MEPE: variants seen among roughly 807,000 people sequenced by gnomAD.
The protein encoded by MEPE is matrix, extracellular phosphoglycoprotein with ASARM motif (bone).
Under a neutral mutation model 7.3 loss-of-function variants are expected in MEPE, and 7 were observed. The observed-to-expected ratio is 0.95, with a 90% confidence interval of 0.54 to 1.79. The LOEUF (loss-of-function observed/expected upper bound fraction) is 1.79, where lower values mean the gene tolerates loss of function less well. MEPE is among the 40% of genes most tolerant of loss of function. The pLI is 0.00. For missense variants in MEPE, 623 were observed against 628.2 expected, an observed-to-expected ratio of 0.99 and a Z score of 0.09; for synonymous variants, 214 against 213.1, an observed-to-expected ratio of 1.00 and a Z score of -0.04.
At chr4:87,829,745 T>A (rs1464396955), upstream of MEPE, among the ~76,000 whole-genome samples, 1 of 152,152 alleles carries the variant, frequency 6.6e-6, no homozygotes, top group Non-Finnish European at 1.5e-5. Flanking sequence ...TTCACTTGTC[T>A]TCCATTTAGA....
chr4:87,824,299 G>A (rs1198615523), intron 1 of MEPE, among the ~76,000 whole-genome samples: 1 of 152,188 alleles, frequency 6.6e-6, no homozygotes, highest in Non-Finnish European at 1.5e-5. Context: ...TGGCTAAGTG[G>A]TGAGACATAC....
intron 3 of MEPE, 76 bp downstream of exon 3, chr4:87,838,761 T>C: frequency 7.4e-7 from 1 of 1,344,486 alleles, no homozygotes. Flanking sequence ...AAAGTGTAAC[T>C]GTCAAAATAG....
At chr4:87,823,772 T>C (rs376765073) in intron 1 of MEPE, among the ~76,000 whole-genome samples, 1 of 152,046 alleles carries the variant, frequency 6.6e-6, no homozygotes, top group Non-Finnish European at 1.5e-5. Flanking sequence ...CCTTTTCTTT[T>C]GAAAAGGAAA....
At position 87,845,774 on chromosome 4, in the gene MEPE, T is replaced by C. The variant is rs1257580410; in HGVS notation, c.906T>C (p.Gly302=). ...ESTHLDTKKP[G]YNEIPEREEN... Reference sequence around the variant, plus strand: ...CTCATCTTGACACAAAAAAGCCAGGTTATAATGAGATCCCAGAGAGAGAAG... The same window carrying C: ...CTCATCTTGACACAAAAAAGCCAGGCTATAATGAGATCCCAGAGAGAGAAG... Residue 302 remains glycine, a synonymous_variant, in exon 4 of 4, where the codon GGT becomes GGC. Transcript: ENST00000361056. 1.2e-6 allele frequency: 2 copies of C among 1,613,778 alleles called. No individual in the cohort carries two copies. The highest frequency in any genetic ancestry group is 1.7e-4 in the Middle Eastern group (1 of 6,058).
chr4:87,825,694 CT>C (rs1000326586), intron 1 of MEPE, among the ~76,000 whole-genome samples: 13 of 152,198 alleles, frequency 8.5e-5, no homozygotes, highest in African/African-American at 2.2e-4. Flanking sequence ...AACCGACTAT[CT>C]TTTTTTCTTC....
intron 1 of MEPE, among the ~76,000 whole-genome samples, chr4:87,825,265 G>C (rs1578050336): frequency 6.6e-6 from 1 of 152,188 alleles, no homozygotes; most frequent in African/African-American, 2.4e-5. Context: ...GGGGAAGCTT[G>C]ATCTTGGTTC....
At chr4:87,844,585 A>AAGAG (rs375234094) in intron 3 of MEPE, among the ~76,000 whole-genome samples, 4 of 150,192 alleles carry the variant, frequency 2.7e-5, no homozygotes, top group Non-Finnish European at 5.9e-5. Context: ...AGAAAAGAGA[A>AAGAG]AGAGAGAGAG....
intron 3 of MEPE, among the ~76,000 whole-genome samples, chr4:87,844,585 A>AAG (rs375234094): frequency 0.018 from 2,769 of 150,272 alleles, 23 homozygotes; most frequent in Non-Finnish European, 0.032. Flanking sequence ...AGAAAAGAGA[A>AAG]AGAGAGAGAG....
Position 87,846,449 on chromosome 4 carries a change from C to T in MEPE, c.*3C>T. 1 of 1,608,110 alleles carries T rather than the reference C, an allele frequency of 6.2e-7. No homozygotes were observed. Among genetic ancestry groups the T allele is most frequent in the African/African-American group, 1.3e-5 (1 of 74,762 alleles). On this transcript the variant is annotated 3_prime_UTR_variant, in exon 4 of 4. Coordinates refer to ENST00000361056, the MANE Select transcript of MEPE (RefSeq NM_020203.6). ...CAAGTGAGAGCGATGGTGACTAGTC[C>T]ACCAGGAGTTCCCAGCGGGGTGACA...
upstream of MEPE, among the ~76,000 whole-genome samples, chr4:87,832,470 T>G (rs1722624638): frequency 2.6e-5 from 4 of 152,168 alleles, no homozygotes; most frequent in South Asian, 8.3e-4. Flanking sequence ...TTATCTTGTT[T>G]ATTATCTGTC....
chr4:87,834,037 C>A (rs998816467), intron 1 of MEPE, among the ~76,000 whole-genome samples: 11 of 152,194 alleles, frequency 7.2e-5, no homozygotes, highest in African/African-American at 2.7e-4. Flanking sequence ...CTAATCTATA[C>A]AACAGGCATA....
Position 87,834,637 on chromosome 4 carries a change from C to T in MEPE, c.-12-66C>T. On this transcript the variant is annotated intron_variant, in intron 1 of 3. Coordinates refer to ENST00000361056, the MANE Select transcript of MEPE (RefSeq NM_020203.6). ...GTTTATATATTCCTATGTGTTTTATCTCTTCTTATGGCTGCAGTTTATAAC... is the reference window on the plus strand; with the variant it reads ...GTTTATATATTCCTATGTGTTTTATTTCTTCTTATGGCTGCAGTTTATAAC... 11 of 1,257,214 alleles carry T rather than the reference C, an allele frequency of 8.7e-6. No individual in the cohort carries two copies. In the South Asian group the frequency reaches 1.1e-4, roughly 13 times the overall value. The allele number at this position is 1,257,214 out of a possible 1,614,324, so 77.9% of individuals were successfully genotyped here.
chr4:87,838,138 A>C (rs1722869919), intron 2 of MEPE, among the ~76,000 whole-genome samples: 1 of 151,822 alleles, frequency 6.6e-6, no homozygotes, highest in African/African-American at 2.4e-5. Flanking sequence ...CTATGGTTTG[A>C]CTCTCCCTGG....
In MEPE at chr4:87,845,772, G is replaced by T. The variant is rs773774406; in HGVS notation, c.904G>T (p.Gly302Cys). The T allele has an allele frequency of 6.2e-6, 10 of 1,613,946 alleles. No homozygotes were observed. The highest frequency in any genetic ancestry group is 8.5e-6 in the Non-Finnish European group (10 of 1,179,928). Reference sequence around the variant, plus strand: ...TACTCATCTTGACACAAAAAAGCCAGGTTATAATGAGATCCCAGAGAGAGA... The same window carrying T: ...TACTCATCTTGACACAAAAAAGCCATGTTATAATGAGATCCCAGAGAGAGA... The part of the protein sequence containing the change: ...ESTHLDTKKP[G>C]YNEIPEREEN... Residue 302 changes from glycine (G) to cysteine (C), a missense_variant, in exon 4 of 4, where the codon GGT (glycine) becomes TGT (cysteine). By Grantham distance (159) the Gly-to-Cys change is radical (BLOSUM62 -3). Transcript: ENST00000361056.
At position 87,845,622 on chromosome 4, in the gene MEPE, A is replaced by AT; in HGVS notation, c.755dup (p.Ser253IlefsTer11). On this transcript the variant is annotated frameshift_variant, in exon 4 of 4. Coordinates refer to ENST00000361056, the MANE Select transcript of MEPE (RefSeq NM_020203.6). LOFTEE classifies it low-confidence loss of function (END_TRUNC). ...TCTTCAAGAGAGAGGGGACAATGAT[A>AT]TATCTCCTTTCAGTGGGGACGGCCA... 1 of 1,613,940 alleles carries AT rather than the reference A, an allele frequency of 6.2e-7. No individual in the cohort carries two copies. The highest frequency in any genetic ancestry group is 1.3e-5 in the African/African-American group (1 of 75,028).
chr4:87,834,374 A>G (rs938623783), intron 1 of MEPE, among the ~76,000 whole-genome samples: 1 of 152,220 alleles, frequency 6.6e-6, no homozygotes, highest in African/African-American at 2.4e-5. Context: ...TAATTAAACA[A>G]TCTCTTTCTA....
upstream of MEPE, among the ~76,000 whole-genome samples, chr4:87,829,922 T>G (rs1722560265): frequency 6.6e-6 from 1 of 150,734 alleles, no homozygotes; most frequent in Admixed American, 6.7e-5. Flanking sequence ...CTGTGCTCCT[T>G]ATTTTCAGTT....
At chr4:87,826,279 CATG>C (rs1722463400) in intron 1 of MEPE, among the ~76,000 whole-genome samples, 1 of 151,444 alleles carries the variant, frequency 6.6e-6, no homozygotes, top group Non-Finnish European at 1.5e-5. Flanking sequence ...GGTGCAGTGC[CATG>C]ATTTCCACTC....
At chr4:87,831,564 G>A (rs889670111), upstream of MEPE, among the ~76,000 whole-genome samples, 1 of 152,094 alleles carries the variant, frequency 6.6e-6, no homozygotes, top group Admixed American at 6.6e-5. Context: ...CTCTGGCTGG[G>A]ATTATTACAA....
Sources: allele counts gnomAD v4.1 joint callset (sites outside exome capture counted in the v4.1 genomes callset), GRCh38; gene constraint gnomAD v4.1.1; transcripts MANE v1.5; gene names NCBI Gene and HGNC (gene_info 2026-07-23, HGNC 2026-07-21).